Variants in LRBA observed in about 807,000 individuals in gnomAD.
LRBA encodes LPS responsive beige-like anchor protein, also known as lipopolysaccharide-responsive and beige-like anchor protein.
In LRBA, 176 loss-of-function variants were observed where a neutral mutation model predicts 330.0. The observed-to-expected ratio is 0.53, with a 90% CI of 0.47 to 0.60. The LOEUF (loss-of-function observed/expected upper bound fraction) is 0.60. LRBA is among the 20% of genes least tolerant of loss of function. The probability of loss-of-function intolerance (pLI) is 0.00; values close to 1 mark genes in which losing one functional copy is unlikely to be tolerated. For missense variants in LRBA, 3,259 were observed against 3,444.8 expected (o/e 0.95, Z 1.35); for synonymous variants, 1,230 against 1,193.0 (o/e 1.03, Z -0.64).
chr4:150,907,832 GC>G (rs1731521324), intron 11 of LRBA, among the ~76,000 whole-genome samples: 3 of 151,952 alleles, frequency 2.0e-5, no homozygotes, highest in Admixed American at 1.3e-4. Flanking sequence ...ACAAAAATGT[GC>G]TAAATGTACA....
rs778658066 is a variant in LRBA, at chr4:150,546,322, CTGT to C, written c.6330+41723_6330+41725del. ...CCACTATTCAAACCTTTTCTTAATGCTGTTATCAGTTTTCCTTTTGCAACAATT... is the reference window on the plus strand; with the variant it reads ...CCACTATTCAAACCTTTTCTTAATGCTATCAGTTTTCCTTTTGCAACAATT... On this transcript the variant is annotated intron_variant, in intron 40 of 56. Transcript: ENST00000651943. 8.4e-4 allele frequency among the ~76,000 whole-genome samples: 128 copies of C among 152,270 alleles called. No homozygotes were observed. In the Middle Eastern group the frequency reaches 0.01, roughly 12 times the overall value.
intron 28 of LRBA, among the ~76,000 whole-genome samples, chr4:150,836,355 G>A (rs1159535676): frequency 4.6e-5 from 7 of 152,112 alleles, no homozygotes; most frequent in South Asian, 4.1e-4. Context: ...TCTATTGATT[G>A]GAATAGTTTC....
chr4:150,729,565 T>C (rs1166262876), intron 36 of LRBA, among the ~76,000 whole-genome samples: 1 of 152,154 alleles, frequency 6.6e-6, no homozygotes, highest in Non-Finnish European at 1.5e-5. Context: ...AAAATATCCA[T>C]ATTAAACAAA....
intron 40 of LRBA, chr4:150,579,875 G>T: frequency 2.7e-6 from 1 of 373,010 alleles, no homozygotes; most frequent in South Asian, 1.9e-5. Context: ...ACGACGAAGC[G>T]ACCACCTCGA....
chr4:150,889,411 G>A (rs1345397540), intron 17 of LRBA, among the ~76,000 whole-genome samples: 1 of 152,236 alleles, frequency 6.6e-6, no homozygotes, highest in Admixed American at 6.5e-5. Flanking sequence ...AGGAGGCCAA[G>A]GCGGGCAGAT....
intron 40 of LRBA, among the ~76,000 whole-genome samples, chr4:150,517,752 G>A (rs1332627839): frequency 2.0e-5 from 3 of 152,116 alleles, no homozygotes; most frequent in Non-Finnish European, 4.4e-5. Flanking sequence ...CATATTAATA[G>A]TATTTGTATA....
intron 36 of LRBA, among the ~76,000 whole-genome samples, chr4:150,707,529 G>A (rs1487914118): frequency 2.0e-5 from 3 of 151,552 alleles, no homozygotes; most frequent in Non-Finnish European, 4.4e-5. Context: ...AAACTGCAGA[G>A]ACCAAGGAAG....
intron 49 of LRBA, among the ~76,000 whole-genome samples, chr4:150,322,995 CTGTG>C (rs577818605): frequency 1.3e-4 from 3 of 23,878 alleles, no homozygotes; most frequent in South Asian, 6.3e-4. Flanking sequence ...GTGTGTGTCT[CTGTG>C]TGTGTGTGTG....
chr4:150,572,061 A>G (rs2152285275), intron 40 of LRBA, among the ~76,000 whole-genome samples: 1 of 152,172 alleles, frequency 6.6e-6, no homozygotes, highest in African/African-American at 2.4e-5. Flanking sequence ...TTTTAGTCAA[A>G]ACATGTAACA....
At chr4:150,313,142 AT>A (rs1343741592) in intron 51 of LRBA, among the ~76,000 whole-genome samples, 1 of 152,110 alleles carries the variant, frequency 6.6e-6, no homozygotes, top group African/African-American at 2.4e-5. Context: ...AGGGTAATCA[AT>A]TTTTTAAAGT....
chr4:150,429,937 A>T (rs1383011325), intron 46 of LRBA, among the ~76,000 whole-genome samples: 3 of 152,102 alleles, frequency 2.0e-5, no homozygotes, highest in Admixed American at 2.0e-4. Context: ...ATAGCAAATA[A>T]CCAATAAATG....
At chr4:150,459,988 T>C (rs1754565386) in intron 44 of LRBA, among the ~76,000 whole-genome samples, 1 of 151,846 alleles carries the variant, frequency 6.6e-6, no homozygotes, top group Non-Finnish European at 1.5e-5. Context: ...TGAAGCCCAA[T>C]AAATAGAAAA....
intron 54 of LRBA, among the ~76,000 whole-genome samples, chr4:150,285,022 G>A (rs1747975705): frequency 6.6e-6 from 1 of 152,060 alleles, no homozygotes; most frequent in South Asian, 2.1e-4. Context: ...TTGAGTATAA[G>A]GGAAAAATCC....
At position 150,844,720 on chromosome 4, in the gene LRBA, T is replaced by C. The variant is rs1369676989; in HGVS notation, c.4399A>G (p.Arg1467Gly). 5.6e-6 allele frequency: 9 copies of C among 1,612,890 alleles called. No individual in the cohort carries two copies. The highest frequency in any genetic ancestry group is 2.7e-5 in the African/African-American group (2 of 74,908). ...ATTGGTTTCAAGGCTTTATCTCCCC[T>C]AGTTTTCAGTTGTGAATGCTGTTGA... ...ECQQHSQLKT[R>G]GDKALKPMHS... Residue 1467 changes from arginine to glycine, a missense_variant, in exon 27 of 57, where the codon AGG becomes GGG. By Grantham distance (125) the Arg-to-Gly change is moderately radical. Coordinates refer to ENST00000651943, the MANE Select transcript of LRBA (RefSeq NM_001364905.1).
intron 37 of LRBA, among the ~76,000 whole-genome samples, chr4:150,630,294 C>A (rs1309051673): frequency 6.6e-6 from 1 of 152,154 alleles, no homozygotes; most frequent in Non-Finnish European, 1.5e-5. Flanking sequence ...AATGATCTAT[C>A]CTAAAAAGAT....
intron 48 of LRBA, among the ~76,000 whole-genome samples, chr4:150,328,789 T>G (rs928076567): frequency 6.6e-6 from 1 of 151,998 alleles, no homozygotes; most frequent in Non-Finnish European, 1.5e-5. Context: ...ATGGAAGCCA[T>G]AGGATGAGGG....
chr4:150,841,081 T>C (rs1466901378), intron 28 of LRBA: 1 of 750,856 alleles, frequency 1.3e-6, no homozygotes, highest in Non-Finnish European at 1.9e-6. Context: ...GGTACATTTG[T>C]CTTTTTTATA....
intron 34 of LRBA, among the ~76,000 whole-genome samples, chr4:150,779,024 AG>A (rs1449943611): frequency 1.3e-5 from 2 of 152,214 alleles, no homozygotes; most frequent in Non-Finnish European, 2.9e-5. Flanking sequence ...AATTATTTTT[AG>A]AAGCACTACT....
intron 40 of LRBA, among the ~76,000 whole-genome samples, chr4:150,554,221 C>T (rs576127057): frequency 5.4e-4 from 81 of 151,092 alleles, no homozygotes; most frequent in Middle Eastern, 3.4e-3. Flanking sequence ...GATTTCATCC[C>T]CATATCTGTA....
Sources: gnomAD v4.1 joint callset for allele counts (sites outside exome capture counted in the v4.1 genomes callset) on GRCh38, gnomAD v4.1.1 for gene constraint, MANE v1.5 for transcripts, NCBI Gene and HGNC (gene_info 2026-07-23, HGNC 2026-07-21) for gene names.